Variants in ASH1L observed in about 807,000 individuals in gnomAD.
The protein encoded by ASH1L is histone-lysine N-methyltransferase ASH1L.
In ASH1L, 23 loss-of-function variants were observed where a neutral mutation model predicts 269.0. That is an observed-to-expected ratio of 0.09 (90% CI 0.06 to 0.12). ASH1L has a LOEUF of 0.12. Ranked by LOEUF, ASH1L falls within the 10% of genes least tolerant of loss-of-function variation. ASH1L has a pLI of 1.00. For missense variants in ASH1L, 2,912 were observed against 3,567.8 expected (o/e 0.82, Z 4.68); for synonymous variants, 1,187 against 1,253.5 (o/e 0.95, Z 1.12).
intron 6 of ASH1L, among the ~76,000 whole-genome samples, chr1:155,404,888 T>TGTG (rs1414656557): frequency 2.0e-5 from 3 of 149,694 alleles, no homozygotes; most frequent in African/African-American, 7.4e-5. Context: ...ATCAGCTGAG[T>TGTG]GTGGTGGTGC....
At position 155,442,561 on chromosome 1, in the gene ASH1L, C is replaced by T. The variant is rs373886659; in HGVS notation, c.5087-3493G>A. 8.6e-5 allele frequency among the ~76,000 whole-genome samples: 11 copies of T among 127,442 alleles called. No homozygotes were observed. In the South Asian group the frequency reaches 1.9e-3, roughly 22 times the overall value. 83.6% of individuals were successfully genotyped at this position (127,442 alleles called of 152,430 possible). ...TCACGCCACTGCCCTCCAGCCTGGG[C>T]GACAAGAGCAAGACTCCATCTCAAA... On this transcript the variant is annotated intron_variant, in intron 4 of 27. Transcript: ENST00000392403.
chr1:155,390,895 C>T (rs1406082755), intron 7 of ASH1L, among the ~76,000 whole-genome samples: 3 of 151,010 alleles, frequency 2.0e-5, no homozygotes, highest in East Asian at 1.9e-4. Flanking sequence ...ATGATCTGCC[C>T]GCCTTGGCTT....
chr1:155,537,657 G>A (rs569462450), intron 1 of ASH1L, among the ~76,000 whole-genome samples: 5 of 151,740 alleles, frequency 3.3e-5, no homozygotes, highest in Admixed American at 6.6e-5. Flanking sequence ...ATTCGAAAAC[G>A]AACTATAAAA....
chr1:155,352,554 C>T (rs1294872327), intron 17 of ASH1L, 152 bp downstream of exon 17: 1 of 639,070 alleles, frequency 1.6e-6, no homozygotes, highest in African/African-American at 1.9e-5. Flanking sequence ...CCTGTAATCC[C>T]AGCACTTTGG....
chr1:155,526,314 T>A (rs1669251056), intron 1 of ASH1L, among the ~76,000 whole-genome samples: 1 of 152,238 alleles, frequency 6.6e-6, no homozygotes. Flanking sequence ...AACTTTATCT[T>A]GTGTTACAAT....
At chr1:155,541,698 A>G (rs1380246357) in intron 1 of ASH1L, among the ~76,000 whole-genome samples, 1 of 152,138 alleles carries the variant, frequency 6.6e-6, no homozygotes, top group Non-Finnish European at 1.5e-5. Context: ...TGTACTCTAT[A>G]TATTTCTTCA....
chr1:155,389,333 C>T (rs1657707793), intron 7 of ASH1L, among the ~76,000 whole-genome samples: 1 of 151,416 alleles, frequency 6.6e-6, no homozygotes, highest in Admixed American at 6.6e-5. Context: ...AAACCCTTTA[C>T]TTGGAGATAT....
intron 1 of ASH1L, among the ~76,000 whole-genome samples, chr1:155,524,025 C>G (rs1669067899): frequency 6.6e-6 from 1 of 152,198 alleles, no homozygotes; most frequent in South Asian, 2.1e-4. Flanking sequence ...TCTGATGATT[C>G]TTGTCTACCA....
chr1:155,558,688 G>GT (rs1402943397), intron 1 of ASH1L, among the ~76,000 whole-genome samples: 1 of 151,844 alleles, frequency 6.6e-6, no homozygotes. Context: ...GACTGCAGGT[G>GT]TTCATTCTAA....
chr1:155,357,132 TTA>T (rs757135464), intron 15 of ASH1L, among the ~76,000 whole-genome samples, 182 bp downstream of exon 15: 3,418 of 6,626 alleles, frequency 0.52, 819 homozygotes, highest in Middle Eastern at 1. Context: ...AGGGTAAGAC[TTA>T]AAAAAAAAAA....
At chr1:155,546,059 G>A (rs754293567) in intron 1 of ASH1L, among the ~76,000 whole-genome samples, 2 of 151,478 alleles carry the variant, frequency 1.3e-5, no homozygotes, top group Non-Finnish European at 2.9e-5. Context: ...CACAGGAGCT[G>A]AGGCAGGAGA....
At chr1:155,353,813 A>C (rs1654130538) in intron 16 of ASH1L, among the ~76,000 whole-genome samples, 1 of 152,102 alleles carries the variant, frequency 6.6e-6, no homozygotes, top group African/African-American at 2.4e-5. Flanking sequence ...CTGTCCACCC[A>C]CTGATAATTA....
intron 6 of ASH1L, among the ~76,000 whole-genome samples, chr1:155,406,203 CAAAAAAAAA>C (rs964056210): frequency 1.9e-5 from 1 of 52,104 alleles, no homozygotes; most frequent in Admixed American, 2.0e-4. Context: ...GACTCTGTCT[CAAAAAAAAA>C]AAAAAAAAAA....
chr1:155,366,028 G>A (rs181290554), intron 12 of ASH1L, among the ~76,000 whole-genome samples: 2 of 152,300 alleles, frequency 1.3e-5, no homozygotes, highest in Admixed American at 1.3e-4. Flanking sequence ...CTTGTATAGA[G>A]GTTGGGTAAA....
At chr1:155,442,412 G>A (rs183424200) in intron 4 of ASH1L, among the ~76,000 whole-genome samples, 6 of 151,618 alleles carry the variant, frequency 4.0e-5, no homozygotes, top group South Asian at 2.1e-4. Context: ...GTGAAGCCCC[G>A]TCTCTACTAA....
intron 5 of ASH1L, among the ~76,000 whole-genome samples, chr1:155,423,947 G>A (rs139894233): frequency 0.01 from 1,549 of 152,138 alleles, 38 homozygotes; most frequent in African/African-American, 0.036. Context: ...GGCTGGTCTC[G>A]AACTCCTGAC....
rs1665757120 is a variant in ASH1L, at chr1:155,478,870, G to A, written c.4000C>T (p.Pro1334Ser). Residue 1334 changes from proline (P) to serine (S), a missense_variant, in exon 3 of 28, where the codon CCC becomes TCC. Coordinates refer to ENST00000392403, the MANE Select transcript of ASH1L (RefSeq NM_018489.3). This position sits in a 1 kb window ranked among gnomAD's most constrained non-coding sequence, Gnocchi z 4.6. ...CGAATGTAGTGCAAAGGGTCTAAGG[G>A]GAAAGAAGGATGTGTATAGAAACTA... ...FNSFYTHPSF[P>S]LDPLHYIRKP... is the part of the protein sequence containing the mutation. The A allele has an allele frequency of 6.2e-7, 1 of 1,613,926 alleles. No individual in the cohort carries two copies.
chr1:155,533,674 G>A (rs1406527660), intron 1 of ASH1L, among the ~76,000 whole-genome samples: 1 of 149,386 alleles, frequency 6.7e-6, no homozygotes, highest in Non-Finnish European at 1.5e-5. Context: ...AGATCGCACC[G>A]CTGCACTCCA....
At chr1:155,454,054 G>A (rs1231348128) in intron 4 of ASH1L, among the ~76,000 whole-genome samples, 4 of 152,146 alleles carry the variant, frequency 2.6e-5, no homozygotes, top group South Asian at 4.1e-4. Flanking sequence ...GCAGTGAGCC[G>A]AGATCGCACC....
Sources: allele counts gnomAD v4.1 joint callset (sites outside exome capture counted in the v4.1 genomes callset), GRCh38; gene constraint gnomAD v4.1.1; non-coding constraint Gnocchi (gnomAD v3.1); transcripts MANE v1.5; gene names NCBI Gene and HGNC (gene_info 2026-07-23, HGNC 2026-07-21).